The following PCDHGB3 variants were observed in gnomAD, a reference collection of about 807,000 sequenced individuals.
PCDHGB3 encodes the protein protocadherin gamma subfamily B, 3, also known as protocadherin gamma-B3.
A neutral mutation model predicts 59.2 loss-of-function variants in PCDHGB3; 40 were observed. The ratio of observed to expected loss-of-function variants is 0.68; its 90% CI spans 0.52 to 0.88. PCDHGB3 has a LOEUF of 0.88. Among genes scored for constraint, PCDHGB3 ranks in the 40% least tolerant of loss-of-function variants. The pLI, the probability that PCDHGB3 is intolerant of heterozygous loss-of-function variation, is 0.00. For missense variants in PCDHGB3, 1,309 were observed against 1,187.9 expected, an observed-to-expected ratio of 1.10 and a Z score of -1.50; for synonymous variants, 581 against 503.6, an observed-to-expected ratio of 1.15 and a Z score of -2.06.
chr5:141,395,605 A>G (rs1344642467), intron 1 of PCDHGB3: 3 of 198,976 alleles, frequency 1.5e-5, no homozygotes, highest in Non-Finnish European at 3.0e-5. Context: ...CCAAACTAGA[A>G]CTTCAGAAAA....
intron 1 of PCDHGB3, chr5:141,400,300 C>T: frequency 6.2e-7 from 1 of 1,614,084 alleles, no homozygotes; most frequent in Non-Finnish European, 8.5e-7. Context: ...CTGCTTCCAA[C>T]CTGGTCTCTG....
intron 1 of PCDHGB3, chr5:141,376,017 C>G: frequency 6.2e-7 from 1 of 1,613,290 alleles, no homozygotes; most frequent in Middle Eastern, 1.7e-4. Flanking sequence ...CTAGTGGTGG[C>G]CGTCCAGGAC....
intron 1 of PCDHGB3, chr5:141,410,836 ATT>A (rs371761731): frequency 1.6e-5 from 4 of 254,870 alleles, no homozygotes; most frequent in African/African-American, 1.4e-4. Flanking sequence ...GACTGAAGAT[ATT>A]TTGTCTTTGT....
Position 141,485,835 on chromosome 5 carries a change from C to T in PCDHGB3, c.2416-8972C>T, listed in dbSNP as rs747722740. On this transcript the variant is annotated intron_variant, in intron 1 of 3. Transcript: ENST00000576222. This position sits in a 1 kb window ranked among gnomAD's most constrained non-coding sequence, Gnocchi z 5.7. ...ACTGCTGTCGATGGAGGGAACCCGC[C>T]GAGATCTGGCACCGCAGAGCTCCGG... 6.2e-7 allele frequency: 1 copy of T among 1,614,190 alleles called. No homozygotes were observed. Among genetic ancestry groups the T allele is most frequent in the Non-Finnish European group, 8.5e-7 (1 of 1,180,048 alleles).
chr5:141,399,997 A>G, intron 1 of PCDHGB3: 1 of 1,612,344 alleles, frequency 6.2e-7, no homozygotes, highest in Non-Finnish European at 8.5e-7. Context: ...AGAGGTGCGC[A>G]CAGCGCGTGC....
chr5:141,404,752 G>C, intron 1 of PCDHGB3: 1 of 1,614,010 alleles, frequency 6.2e-7, no homozygotes, highest in Non-Finnish European at 8.5e-7. Flanking sequence ...ACTCAGGCCA[G>C]AATGCTTGGC....
intron 1 of PCDHGB3, chr5:141,393,572 G>C (rs1399932416): frequency 6.2e-7 from 1 of 1,613,908 alleles, no homozygotes; most frequent in South Asian, 1.1e-5. Context: ...AAGTCCTTGA[G>C]AACATGCCCC....
chr5:141,450,916 C>T (rs1168320527), intron 1 of PCDHGB3, among the ~76,000 whole-genome samples: 1 of 151,580 alleles, frequency 6.6e-6, no homozygotes, highest in Admixed American at 6.6e-5. Flanking sequence ...CCGCTGCCTC[C>T]CAGATTCAAG....
At position 141,487,128 on chromosome 5, in the gene PCDHGB3, G is replaced by A; in HGVS notation, c.2416-7679G>A. The A allele has an allele frequency of 6.2e-7, 1 of 1,614,086 alleles. No individual in the cohort carries two copies. ...GTCATTGTGGTAAAGGATAGTGGTA[G>A]TCCACCACTCTCTACCTCTGTTACT... is the stretch of plus-strand genomic sequence containing the variant. On this transcript the variant is annotated intron_variant, in intron 1 of 3. Transcript: ENST00000576222. This position sits in a 1 kb window ranked among gnomAD's most constrained non-coding sequence, Gnocchi z 5.0.
At chr5:141,408,959 G>A (rs1434961395) in intron 1 of PCDHGB3, 1 of 1,613,722 alleles carries the variant, frequency 6.2e-7, no homozygotes, top group East Asian at 2.2e-5. Context: ...TAGTCTTAGT[G>A]AAAATCTGCC....
chr5:141,374,826 G>A (rs768485677), intron 1 of PCDHGB3: 141 of 1,613,770 alleles, frequency 8.7e-5, no homozygotes, highest in Non-Finnish European at 1.1e-4. Context: ...CCTGTCTACC[G>A]TGTAAGTGTT....
intron 2 of PCDHGB3, among the ~76,000 whole-genome samples, chr5:141,498,114 G>C (rs1336064850): frequency 6.6e-6 from 1 of 152,196 alleles, no homozygotes; most frequent in East Asian, 1.9e-4. Flanking sequence ...CGTATAATAG[G>C]GATTTGATTT....
At chr5:141,496,768 A>G (rs997951321) in intron 2 of PCDHGB3, among the ~76,000 whole-genome samples, 10 of 152,260 alleles carry the variant, frequency 6.6e-5, no homozygotes, top group African/African-American at 2.4e-4. Context: ...TCGAGCATCT[A>G]CTATGAGCAG....
chr5:141,483,401 A>G (rs1052240280), intron 1 of PCDHGB3, among the ~76,000 whole-genome samples: 2 of 152,202 alleles, frequency 1.3e-5, no homozygotes, highest in African/African-American at 4.8e-5. Context: ...TGCTTGAACC[A>G]GCACAGTGGC....
intron 1 of PCDHGB3, among the ~76,000 whole-genome samples, chr5:141,425,482 C>T (rs1257043728): frequency 6.6e-6 from 1 of 152,192 alleles, no homozygotes; most frequent in Non-Finnish European, 1.5e-5. Context: ...CCTATGGCAA[C>T]CTACTAGGCT....
chr5:141,390,561 G>A (rs921631416), intron 1 of PCDHGB3: 1 of 436,212 alleles, frequency 2.3e-6, no homozygotes, highest in African/African-American at 2.0e-5. Flanking sequence ...TTAGACAGTT[G>A]TTGGCTCTCT....
chr5:141,404,651 C>T, intron 1 of PCDHGB3: 2 of 1,614,184 alleles, frequency 1.2e-6, no homozygotes, highest in Non-Finnish European at 1.7e-6. Flanking sequence ...GTACCCTGCC[C>T]TCCCCACTGA....
intron 1 of PCDHGB3, chr5:141,393,329 C>T: frequency 6.2e-7 from 1 of 1,611,240 alleles, no homozygotes; most frequent in South Asian, 1.1e-5. Flanking sequence ...GCTACCAGCT[C>T]AGCCCCAATC....
chr5:141,488,193 T>C (rs1211647195), intron 1 of PCDHGB3, among the ~76,000 whole-genome samples: 1 of 152,122 alleles, frequency 6.6e-6, no homozygotes, highest in Non-Finnish European at 1.5e-5. Flanking sequence ...TTGGTCTGGG[T>C]CTTAGGACTC....
Sources: allele counts gnomAD v4.1 joint callset (sites outside exome capture counted in the v4.1 genomes callset), GRCh38; gene constraint gnomAD v4.1.1; non-coding constraint Gnocchi (gnomAD v3.1); transcripts MANE v1.5; gene names NCBI Gene and HGNC (gene_info 2026-07-23, HGNC 2026-07-21).